The following BANP variants were observed in gnomAD, a reference collection of about 807,000 sequenced individuals.
The protein encoded by BANP is protein BANP.
In BANP, 11 loss-of-function variants were observed where a neutral mutation model predicts 68.1. The observed-to-expected ratio is 0.16, with a 90% CI of 0.10 to 0.27. The LOEUF is 0.27. Among genes scored for constraint, BANP ranks in the 10% least tolerant of loss-of-function variants. BANP has a pLI of 1.00. For missense variants in BANP, 504 were observed against 722.7 expected, an observed-to-expected ratio of 0.70 and a Z score of 3.47; for synonymous variants, 329 against 303.2, an observed-to-expected ratio of 1.09 and a Z score of -0.88.
intron 11 of BANP, among the ~76,000 whole-genome samples, chr16:88,045,007 A>G (rs578131973): frequency 3.2e-4 from 49 of 152,362 alleles, no homozygotes; most frequent in African/African-American, 1.1e-3. Flanking sequence ...ACAATTATAT[A>G]AAGTTTACAC....
At chr16:88,008,019 A>G (rs1290233952) in intron 6 of BANP, among the ~76,000 whole-genome samples, 4 of 152,240 alleles carry the variant, frequency 2.6e-5, no homozygotes, top group African/African-American at 4.8e-5. Context: ...GTGCCCATCA[A>G]CAGTCACTTT....
intron 7 of BANP, among the ~76,000 whole-genome samples, chr16:88,027,005 TGAAG>T (rs1337380484): frequency 6.6e-6 from 1 of 152,090 alleles, no homozygotes; most frequent in Non-Finnish European, 1.5e-5. Context: ...AGCCAGGACA[TGAAG>T]GAAGGGAAGG....
At chr16:88,016,230 T>A (rs1024424018) in intron 6 of BANP, among the ~76,000 whole-genome samples, 2 of 152,244 alleles carry the variant, frequency 1.3e-5, no homozygotes, top group African/African-American at 2.4e-5. Context: ...CTCCCGTCCA[T>A]GCAGGAGAAG....
intron 11 of BANP, among the ~76,000 whole-genome samples, chr16:88,039,920 TG>T (rs2080325995): frequency 6.6e-6 from 1 of 152,252 alleles, no homozygotes; most frequent in South Asian, 2.1e-4. Context: ...TCTCTCTAAG[TG>T]GCCTTACCGC....
At chr16:88,049,153 G>C (rs117523428) in intron 11 of BANP, among the ~76,000 whole-genome samples, 1 of 152,110 alleles carries the variant, frequency 6.6e-6, no homozygotes. Context: ...TTGAGGGCTC[G>C]GGGACTGCCG....
chr16:88,038,161 G>C, intron 11 of BANP, 150 bp downstream of exon 11: 1 of 749,036 alleles, frequency 1.3e-6, no homozygotes, highest in Non-Finnish European at 2.3e-6. Flanking sequence ...TCACGGGAGG[G>C]GTGGGACGGT....
chr16:87,984,340 G>C, intron 4 of BANP, 81 bp downstream of exon 4: 2 of 1,343,232 alleles, frequency 1.5e-6, no homozygotes, highest in Admixed American at 4.7e-5. Context: ...CCGCAGCTTA[G>C]TGGCTCAGTT....
rs1282200275 is a variant in BANP at position 88,043,232 on chromosome 16, T to G, written c.1311+5221T>G. 2.0e-5 allele frequency among the ~76,000 whole-genome samples: 3 copies of G among 152,300 alleles called. No individual in the cohort carries two copies. The East Asian group carries it at 5.8e-4, about 29-fold the overall frequency. ...TGTTGGAGTTGAAATTAAAATGCAGTGGCTGGTTCTGGTCATGGCTCCAGG... is the reference window on the plus strand; with the variant it reads ...TGTTGGAGTTGAAATTAAAATGCAGGGGCTGGTTCTGGTCATGGCTCCAGG... On this transcript the variant is annotated intron_variant, in intron 11 of 13. Transcript: ENST00000682872.
chr16:87,956,393 G>A (rs533198048), intron 1 of BANP, among the ~76,000 whole-genome samples: 5 of 152,308 alleles, frequency 3.3e-5, no homozygotes, highest in Admixed American at 6.5e-5. Context: ...CTCTTCACAC[G>A]GGTGACGGTG....
At chr16:88,040,495 C>G (rs2080494664) in intron 11 of BANP, among the ~76,000 whole-genome samples, 1 of 150,666 alleles carries the variant, frequency 6.6e-6, no homozygotes, top group Non-Finnish European at 1.5e-5. Flanking sequence ...AAGCCCCGAG[C>G]AGTGCGGGGG....
At chr16:87,995,200 T>C (rs945086154) in intron 4 of BANP, among the ~76,000 whole-genome samples, 8 of 152,264 alleles carry the variant, frequency 5.3e-5, no homozygotes, top group African/African-American at 1.9e-4. Context: ...GCAGTCTGGA[T>C]GTGCGGGGGC....
chr16:88,045,575 C>T (rs1436869326), intron 11 of BANP, among the ~76,000 whole-genome samples: 2 of 152,132 alleles, frequency 1.3e-5, no homozygotes, highest in Admixed American at 6.5e-5. Context: ...GGCAGAGAAG[C>T]GCTCCCCTCA....
intron 1 of BANP, among the ~76,000 whole-genome samples, chr16:87,968,789 G>C (rs760091867): frequency 2.6e-4 from 40 of 152,266 alleles, no homozygotes; most frequent in Non-Finnish European, 2.8e-4. Flanking sequence ...GAACATGAGC[G>C]TGCGTAGGTG....
chr16:88,019,590 GCGTGCGGGATCTCA>G lies in BANP; in HGVS notation c.895+924_895+937del, dbSNP rs1567772538. Reference sequence around the variant, plus strand: ...GGGGGGCGGGGCGTCCGGGATCTCGGCGTGCGGGATCTCAGCGTGCGGGGGGCGTCCGGGCGTGC... The same window carrying G: ...GGGGGGCGGGGCGTCCGGGATCTCGGGCGTGCGGGGGGCGTCCGGGCGTGC... On this transcript the variant is annotated intron_variant, in intron 7 of 13. Coordinates refer to ENST00000682872, the MANE Select transcript of BANP (RefSeq NM_001386991.1). Among the ~76,000 whole-genome samples, 153 of 33,844 alleles carry G rather than the reference GCGTGCGGGATCTCA, an allele frequency of 4.5e-3. 13 individuals carry two copies. Among genetic ancestry groups the G allele is most frequent in the African/African-American group, 0.021 (136 of 6,406 alleles). 22.2% of individuals were successfully genotyped at this position (33,844 alleles called of 152,430 possible).
At chr16:88,037,785 A>G (rs1178143153) in intron 10 of BANP, 188 bp from the exon 11 acceptor site, 3 of 617,642 alleles carry the variant, frequency 4.9e-6, no homozygotes, top group Non-Finnish European at 8.8e-6. Context: ...TAAAATAATA[A>G]ATAGTACCTA....
intron 11 of BANP, among the ~76,000 whole-genome samples, chr16:88,046,821 C>T (rs982275384): frequency 1.3e-5 from 2 of 152,060 alleles, no homozygotes; most frequent in African/African-American, 4.8e-5. Context: ...AATCCCAGCA[C>T]TTTAGGAGGC....
At position 87,961,407 on chromosome 16, in the gene BANP, G is replaced by GCC. The variant is rs149889657; in HGVS notation, c.-69+9893_-69+9894insCC. Among the ~76,000 whole-genome samples, 1,138 of 117,646 alleles carry GCC rather than the reference G, an allele frequency of 9.7e-3. 75 individuals are homozygous for GCC. Among genetic ancestry groups the GCC allele is most frequent in the African/African-American group, 0.031 (1,070 of 34,690 alleles). 77.2% of individuals were successfully genotyped at this position (117,646 alleles called of 152,430 possible). A position where few individuals can be genotyped will look rare whatever the true frequency, so the allele number is the denominator to read the frequency against. The stretch of plus-strand genomic sequence containing the variant: ...TCGAACTCCTGGACTCACAGAATCT[G>GCC]CACCCCCCCGGGCCTCCCAAAGTGC... On this transcript the variant is annotated intron_variant, in intron 1 of 13. Transcript: ENST00000682872.
At position 88,033,253 on chromosome 16, in the gene BANP, C is replaced by G. The variant is rs374424236; in HGVS notation, c.1200+8C>G. 6.3e-5 allele frequency: 99 copies of G among 1,572,106 alleles called. No homozygotes were observed. The African/African-American group carries it at 1.2e-3, about 19-fold the overall frequency. On this transcript the variant is annotated splice_region_variant and intron_variant, in intron 9 of 13. Transcript: ENST00000682872. ...GACGGACAGGTGCAAGTAGTACGTA[C>G]CCTCTCCACCTCACACCTTGGGAAA... is the stretch of plus-strand genomic sequence containing the variant.
chr16:88,071,218 GCCCTCCCGTAGTGGGGTGCAAC>G lies in BANP; in HGVS notation c.1378-847_1378-826del. On this transcript the variant is annotated intron_variant, in intron 12 of 13. Transcript: ENST00000682872. The surrounding 1 kb of genome is among the most constrained non-coding windows in gnomAD (Gnocchi z 6.5). ...GTGGAGGTGTGGGATGCATCTCCTG[GCCCTCCCGTAGTGGGGTGCAAC>G]CCCAAGTGAAGACCCCGTGGCTCAT... 2.9e-6 allele frequency: 1 copy of G among 346,372 alleles called. No individual in the cohort carries two copies. 21.5% of individuals were successfully genotyped at this position (346,372 alleles called of 1,614,324 possible). A position where few individuals can be genotyped will look rare whatever the true frequency, so the allele number is the denominator to read the frequency against.
Sources: allele counts gnomAD v4.1 joint callset (sites outside exome capture counted in the v4.1 genomes callset), GRCh38; gene constraint gnomAD v4.1.1; non-coding constraint Gnocchi (gnomAD v3.1); transcripts MANE v1.5; gene names NCBI Gene and HGNC (gene_info 2026-07-23, HGNC 2026-07-21).